Variants in SPECC1L observed in about 807,000 individuals in gnomAD.
The protein encoded by SPECC1L is sperm antigen with calponin homology and coiled-coil domains 1 like, also known as cytospin-A.
Under a neutral mutation model 116.8 loss-of-function variants are expected in SPECC1L, and 40 were observed. The ratio of observed to expected loss-of-function variants is 0.34; its 90% CI spans 0.27 to 0.45. The LOEUF (loss-of-function observed/expected upper bound fraction) is 0.45. Among genes scored for constraint, SPECC1L ranks in the 20% least tolerant of loss-of-function variants. The pLI, the probability that SPECC1L is intolerant of heterozygous loss-of-function variation, is 1.00. For synonymous variants in SPECC1L, 504 were observed against 500.6 expected (o/e 1.01, Z -0.09); for missense variants, 1,110 against 1,373.6 (o/e 0.81, Z 3.03).
Position 24,322,719 on chromosome 22 carries a change from A to C in SPECC1L, c.1739A>C (p.Lys580Thr). The change falls in exon 5 of 17, where the codon AAG becomes ACG. Residue 580 changes from lysine to threonine, a missense_variant. Physicochemically the swap from Lys to Thr is moderately conservative, Grantham distance 78. Transcript: ENST00000314328. ...ASDQIEMNRL[K>T]AQLENEKQKV... ...GACCAGATAGAGATGAATCGCCTGA[A>C]GGCTCAGCTGGAGAATGAAAAGCAG... 6.3e-7 allele frequency: 1 copy of C among 1,592,212 alleles called. No homozygotes were observed. Among genetic ancestry groups the C allele is most frequent in the South Asian group, 1.1e-5 (1 of 87,482 alleles).
chr22:24,322,709 A>G lies in SPECC1L; in HGVS notation c.1729A>G (p.Asn577Asp), dbSNP rs61742709. Reference protein sequence around the residue: ...ATVASDQIEMNRLKAQLENEK... With the variant: ...ATVASDQIEMDRLKAQLENEK... ...AGTGGCCAGTGACCAGATAGAGATG[A>G]ATCGCCTGAAGGCTCAGCTGGAGAA... The change falls in exon 5 of 17, where the codon AAT becomes GAT. Residue 577 changes from asparagine to aspartate, a missense_variant. Coordinates refer to ENST00000314328, the MANE Select transcript of SPECC1L (RefSeq NM_015330.6). 1 of 1,598,222 alleles carries G rather than the reference A, an allele frequency of 6.3e-7. No individual in the cohort carries two copies. The highest frequency in any genetic ancestry group is 8.5e-7 in the Non-Finnish European group (1 of 1,172,942).
chr22:24,279,481 G>A (rs902013026), intron 2 of SPECC1L, among the ~76,000 whole-genome samples: 4 of 151,544 alleles, frequency 2.6e-5, no homozygotes, highest in African/African-American at 7.3e-5. Flanking sequence ...CCCTTGCCTC[G>A]GCCTCCCAAA....
intron 11 of SPECC1L, among the ~76,000 whole-genome samples, chr22:24,355,642 CATT>C (rs368180762): frequency 1.2e-3 from 186 of 152,214 alleles, no homozygotes; most frequent in African/African-American, 4.0e-3. Flanking sequence ...ACTTGGCTCT[CATT>C]ATCTACAATA....
chr22:24,341,390 G>A lies in SPECC1L; in HGVS notation c.2652+2913G>A, dbSNP rs181715989. 5.0e-3 allele frequency among the ~76,000 whole-genome samples: 765 copies of A among 152,260 alleles called. 6 individuals carry two copies. Among genetic ancestry groups the A allele is most frequent in the African/African-American group, 0.018 (736 of 41,536 alleles). The stretch of plus-strand genomic sequence containing the variant: ...ACTTCTGGTAGCTCACCTAGGGCAG[G>A]AAATCATTTGAGTTCCCACCAGCCG... On this transcript the variant is annotated intron_variant, in intron 10 of 16. Transcript: ENST00000314328.
chr22:24,365,099 C>A (rs1375733903), intron 12 of SPECC1L, among the ~76,000 whole-genome samples: 3 of 152,116 alleles, frequency 2.0e-5, no homozygotes, highest in Non-Finnish European at 4.4e-5. Context: ...CCTCCACCAC[C>A]CGGGTTTAAG....
intron 14 of SPECC1L, 72 bp downstream of exon 14, chr22:24,369,392 G>A (rs559727969): frequency 3.8e-6 from 4 of 1,061,972 alleles, no homozygotes; most frequent in South Asian, 1.3e-5. Context: ...AGCTTACTAC[G>A]TGTCACACAT....
intron 2 of SPECC1L, among the ~76,000 whole-genome samples, chr22:24,288,412 G>A (rs886186698): frequency 1.9e-4 from 29 of 151,772 alleles, no homozygotes; most frequent in African/African-American, 6.8e-4. Context: ...GTACAAAATT[G>A]TCCCCTACCC....
intron 2 of SPECC1L, among the ~76,000 whole-genome samples, chr22:24,283,777 C>T (rs996270576): frequency 3.9e-5 from 6 of 152,198 alleles, no homozygotes; most frequent in African/African-American, 1.4e-4. Context: ...AGTTATTTAT[C>T]ACTGTTTGAG....
At chr22:24,413,151 C>A (rs1245640105) in intron 16 of SPECC1L, among the ~76,000 whole-genome samples, 1 of 152,210 alleles carries the variant, frequency 6.6e-6, no homozygotes, top group African/African-American at 2.4e-5. Context: ...CCAAGGCAGG[C>A]GGCTTTAGAG....
chr22:24,351,104 C>T (rs1569431091), intron 11 of SPECC1L, among the ~76,000 whole-genome samples: 2 of 152,166 alleles, frequency 1.3e-5, no homozygotes, highest in Admixed American at 6.5e-5. Context: ...TGCTGCTTTC[C>T]AGGCTTATCT....
At chr22:24,312,668 G>C (rs1420264312) in intron 3 of SPECC1L, among the ~76,000 whole-genome samples, 1 of 151,806 alleles carries the variant, frequency 6.6e-6, no homozygotes, top group African/African-American at 2.4e-5. Flanking sequence ...GTTTTTTAAG[G>C]CTCATGTTTT....
Position 24,321,552 on chromosome 22 carries a change from T to A in SPECC1L, c.572T>A (p.Leu191Gln), listed in dbSNP as rs745588509. ...LEAKVKDLLT[L>Q]AKTKDVEILH... is the part of the protein sequence containing the mutation. ...GCCAAAGTGAAGGATCTTCTCACGCTGGCAAAAACCAAAGACGTAGAAATT... is the reference window on the plus strand; with the variant it reads ...GCCAAAGTGAAGGATCTTCTCACGCAGGCAAAAACCAAAGACGTAGAAATT... The change falls in exon 5 of 17, where the codon CTG becomes CAG. Residue 191 changes from leucine (L) to glutamine (Q), a missense_variant. Physicochemically the swap from Leu to Gln is moderately radical, Grantham distance 113. Coordinates refer to ENST00000314328, the MANE Select transcript of SPECC1L (RefSeq NM_015330.6). 6.2e-7 allele frequency: 1 copy of A among 1,614,082 alleles called. No homozygotes were observed. Among genetic ancestry groups the A allele is most frequent in the Non-Finnish European group, 8.5e-7 (1 of 1,180,052 alleles).
chr22:24,337,720 A>G (rs2041089013), intron 9 of SPECC1L, among the ~76,000 whole-genome samples: 1 of 152,208 alleles, frequency 6.6e-6, no homozygotes, highest in Non-Finnish European at 1.5e-5. Flanking sequence ...TTTGTATCCC[A>G]TTTTTAATTT....
At chr22:24,330,755 T>C (rs1320943729) in intron 8 of SPECC1L, among the ~76,000 whole-genome samples, 3 of 152,188 alleles carry the variant, frequency 2.0e-5, no homozygotes, top group Non-Finnish European at 4.4e-5. Flanking sequence ...ATTAATGATG[T>C]GGACTCTGGA....
intron 3 of SPECC1L, among the ~76,000 whole-genome samples, chr22:24,311,145 G>T (rs1272435615): frequency 6.6e-6 from 1 of 152,232 alleles, no homozygotes. Context: ...CATTATAAGT[G>T]CAAAGTTTAT....
intron 9 of SPECC1L, among the ~76,000 whole-genome samples, chr22:24,334,905 T>A (rs1417899053): frequency 2.0e-5 from 3 of 152,204 alleles, no homozygotes; most frequent in African/African-American, 7.2e-5. Flanking sequence ...TCCCTTCCTC[T>A]GAACACCTCA....
intron 4 of SPECC1L, among the ~76,000 whole-genome samples, chr22:24,316,861 A>G (rs2040581882): frequency 3.8e-5 from 5 of 133,214 alleles, no homozygotes; most frequent in Non-Finnish European, 8.3e-5. Context: ...GCGGCCGGGC[A>G]GAGGCGCCCC....
At chr22:24,303,090 C>G (rs1359241297) in intron 3 of SPECC1L, among the ~76,000 whole-genome samples, 1 of 152,094 alleles carries the variant, frequency 6.6e-6, no homozygotes, top group East Asian at 1.9e-4. Flanking sequence ...TCTCGAGTAG[C>G]TGGACTAGAG....
intron 3 of SPECC1L, among the ~76,000 whole-genome samples, chr22:24,307,637 G>A (rs1158373816): frequency 1.3e-5 from 2 of 152,148 alleles, no homozygotes; most frequent in East Asian, 3.9e-4. Flanking sequence ...GTACGTGTAT[G>A]TGTATGTGTT....
Sources: gnomAD v4.1 joint callset for allele counts (sites outside exome capture counted in the v4.1 genomes callset) on GRCh38, gnomAD v4.1.1 for gene constraint, MANE v1.5 for transcripts, NCBI Gene and HGNC (gene_info 2026-07-23, HGNC 2026-07-21) for gene names.